The following FGF21 variants were observed in gnomAD, a reference collection of about 807,000 sequenced individuals.
FGF21 encodes the protein fibroblast growth factor 21.
Under a neutral mutation model 13.4 loss-of-function variants are expected in FGF21, and 13 were observed. The ratio of observed to expected loss-of-function variants is 0.97; its 90% confidence interval spans 0.63 to 1.54. The LOEUF (loss-of-function observed/expected upper bound fraction) is 1.54, where lower values mean the gene tolerates loss of function less well. Ranked by LOEUF, FGF21 falls within the 40% of genes most tolerant of loss-of-function variation. FGF21 has a pLI of 0.00. For missense variants in FGF21, 303 were observed against 272.4 expected, an observed-to-expected ratio of 1.11 and a Z score of -0.79; for synonymous variants, 124 against 123.6, an observed-to-expected ratio of 1.00 and a Z score of -0.02.
intron 2 of FGF21, among the ~76,000 whole-genome samples, 197 bp from the exon 3 acceptor site, chr19:48,756,729 G>T (rs190261500): frequency 1.1e-4 from 17 of 151,792 alleles, no homozygotes; most frequent in Admixed American, 1.1e-3. Context: ...AAGGAGGAAG[G>T]GCTGGGGTCC....
rs752200625 is a variant in FGF21, at chr19:48,756,990, G to T, written c.300G>T (p.Arg100Ser). 6.2e-7 allele frequency: 1 copy of T among 1,614,072 alleles called. No homozygotes were observed. Among genetic ancestry groups the T allele is most frequent in the South Asian group, 1.1e-5 (1 of 91,084 alleles). Residue 100 changes from arginine to serine, a missense_variant, in exon 3 of 4, where the codon AGG becomes AGT. By Grantham distance (110) the Arg-to-Ser change is moderately radical. Transcript: ENST00000593756. ...AAATCTTGGGAGTCAAGACATCCAGGTTCCTGTGCCAGCGGCCAGATGGGG... is the reference window on the plus strand; with the variant it reads ...AAATCTTGGGAGTCAAGACATCCAGTTTCCTGTGCCAGCGGCCAGATGGGG... Reference protein sequence around the residue: ...VIQILGVKTSRFLCQRPDGAL... With the variant: ...VIQILGVKTSSFLCQRPDGAL...
chr19:48,757,152 G>A (rs552812536), intron 3 of FGF21, 123 bp downstream of exon 3: 87 of 690,388 alleles, frequency 1.3e-4, no homozygotes, highest in Admixed American at 1.9e-4. Flanking sequence ...TGCTCTGCAC[G>A]CCCCCAGCTG....
chr19:48,757,897 A>G (rs1415096045), intron 3 of FGF21, 33 bp from the exon 4 acceptor site: 1 of 1,512,828 alleles, frequency 6.6e-7, no homozygotes, highest in East Asian at 2.3e-5. Flanking sequence ...AAAACAGAGG[A>G]ACCCTGTCTC....
intron 3 of FGF21, 100 bp from the exon 4 acceptor site, chr19:48,757,830 G>A: frequency 1.7e-6 from 2 of 1,180,290 alleles, no homozygotes; most frequent in Non-Finnish European, 2.4e-6. Flanking sequence ...TGGGGGCCTG[G>A]ACCCCTGGGT....
At chr19:48,757,229 C>T (rs55683970) in intron 3 of FGF21, among the ~76,000 whole-genome samples, 200 bp downstream of exon 3, 9 of 152,230 alleles carry the variant, frequency 5.9e-5, no homozygotes, top group South Asian at 4.1e-4. Context: ...CAGGCCGGGG[C>T]GCCAGTGACC....
At position 48,756,946 on chromosome 19, in the gene FGF21, T is replaced by C. The variant is rs765595043; in HGVS notation, c.256T>C (p.Leu86=). The change falls in exon 3 of 4, where the codon TTG becomes CTG. Residue 86 remains leucine (L), a synonymous_variant. Transcript: ENST00000593756. ...SPESLLQLKA[L]KPGVIQILGV... ...CTTAGGTCTCCTGCAGCTGAAAGCC[T>C]TGAAGCCGGGAGTTATTCAAATCTT... is the stretch of plus-strand genomic sequence containing the variant. 9 of 1,614,066 alleles carry C rather than the reference T, an allele frequency of 5.6e-6. No homozygotes were observed. The highest frequency in any genetic ancestry group is 6.8e-6 in the Non-Finnish European group (8 of 1,179,956).
In FGF21 at chr19:48,757,843, G is replaced by C. The variant is rs1444628850; in HGVS notation, c.340-87G>C. 6.7e-6 allele frequency: 9 copies of C among 1,333,562 alleles called. No homozygotes were observed. The Admixed American group carries it at 2.0e-4, about 29-fold the overall frequency. The allele number at this position is 1,333,562 out of a possible 1,614,324, so 82.6% of individuals were successfully genotyped here. A position where few individuals can be genotyped will look rare whatever the true frequency, so the allele number is the denominator to read the frequency against. On this transcript the variant is annotated intron_variant, in intron 3 of 3. Transcript: ENST00000593756. ...GCTGGGGGCCTGGACCCCTGGGTCT[G>C]AGGGAGGCAGGGCTGGGGCCTGGAT...
Position 48,756,482 on chromosome 19 carries a change from G to A in FGF21, c.235+11G>A, listed in dbSNP as rs1311671129. On this transcript the variant is annotated intron_variant, in intron 2 of 3. Transcript: ENST00000593756. Reference sequence around the variant, plus strand: ...ACCAGAGCCCCGAAAGTGAGTGTGGGCCAGAGCCTGGGTCTGAGGGAGGAG... The same window carrying A: ...ACCAGAGCCCCGAAAGTGAGTGTGGACCAGAGCCTGGGTCTGAGGGAGGAG... 1.9e-6 allele frequency: 3 copies of A among 1,608,216 alleles called. No individual in the cohort carries two copies. Among genetic ancestry groups the A allele is most frequent in the African/African-American group, 2.7e-5 (2 of 74,794 alleles).
chr19:48,757,069 T>TC (rs1186882936), intron 3 of FGF21, 40 bp downstream of exon 3: 1 of 1,489,068 alleles, frequency 6.7e-7, no homozygotes, highest in Admixed American at 1.7e-5. Flanking sequence ...ACCATGCTCC[T>TC]CCTATATGTC....
In FGF21 at chr19:48,758,011, G is replaced by T; in HGVS notation, c.421G>T (p.Gly141Cys). The T allele has an allele frequency of 1.9e-6, 3 of 1,612,822 alleles. No homozygotes were observed. Among genetic ancestry groups the T allele is most frequent in the Non-Finnish European group, 2.5e-6 (3 of 1,179,434 alleles). The change falls in exon 4 of 4, where the codon GGC becomes TGC. Residue 141 changes from glycine (G) to cysteine (C), a missense_variant. Transcript: ENST00000593756. ...CAATGTTTACCAGTCCGAAGCCCAC[G>T]GCCTCCCGCTGCACCTGCCAGGGAA... ...GYNVYQSEAH[G>C]LPLHLPGNKS...
Position 48,756,213 on chromosome 19 carries a change from A to G in FGF21, c.-24A>G. On this transcript the variant is annotated 5_prime_UTR_variant, in exon 2 of 4. Coordinates refer to ENST00000593756, the MANE Select transcript of FGF21 (RefSeq NM_019113.4). ...GCTTCTCCGAGCTCACACCCCGGAG[A>G]TCACCTGAGGACCCGAGCCATTGAT... 6.3e-7 allele frequency: 1 copy of G among 1,598,728 alleles called. No individual in the cohort carries two copies. The highest frequency in any genetic ancestry group is 1.1e-5 in the South Asian group (1 of 90,400).
chr19:48,756,558 TG>T, intron 2 of FGF21, 87 bp downstream of exon 2: 1 of 1,174,884 alleles, frequency 8.5e-7, no homozygotes, highest in Non-Finnish European at 1.1e-6. Flanking sequence ...CTGGGGGCCT[TG>T]GCCCCTGGGT....
rs147466868 is a variant in FGF21, at chr19:48,757,966, C to G, written c.376C>G (p.Leu126Val). ...FDPEACSFRELLLEDGYNVYQ... is the reference protein window; with the variant it reads ...FDPEACSFREVLLEDGYNVYQ... ...CCCTGAGGCCTGCAGCTTCCGGGAG[C>G]TGCTTCTTGAGGACGGATACAATGT... The change falls in exon 4 of 4, where the codon CTG becomes GTG. Residue 126 changes from leucine (L) to valine (V), a missense_variant. Leu to Val is a conservative substitution (Grantham distance 32). Coordinates refer to ENST00000593756, the MANE Select transcript of FGF21 (RefSeq NM_019113.4). 1 of 1,592,696 alleles carries G rather than the reference C, an allele frequency of 6.3e-7. No homozygotes were observed. The highest frequency in any genetic ancestry group is 8.6e-7 in the Non-Finnish European group (1 of 1,169,196).
intron 3 of FGF21, among the ~76,000 whole-genome samples, chr19:48,757,569 G>A (rs1286501140): frequency 1.3e-5 from 2 of 151,838 alleles, no homozygotes; most frequent in East Asian, 1.9e-4. Context: ...AGGGGCTGGG[G>A]GCCTGGACTC....
chr19:48,758,219 G>A lies in FGF21; in HGVS notation c.629G>A (p.Ter210=). 1 of 1,602,430 alleles carries A rather than the reference G, an allele frequency of 6.2e-7. No homozygotes were observed. Among genetic ancestry groups the A allele is most frequent in the Non-Finnish European group, 8.5e-7 (1 of 1,176,504 alleles). Residue 210 remains the stop codon, a stop_retained_variant, in exon 4 of 4, where the codon TGA becomes TAA. Coordinates refer to ENST00000593756, the MANE Select transcript of FGF21 (RefSeq NM_019113.4). ...SQGRSPSYAS[*] ...GGCCGAAGCCCCAGCTACGCTTCCT[G>A]AAGCCAGAGGCTGTTTACTATGACA...
Position 48,758,189 on chromosome 19 carries a change from C to A in FGF21, c.599C>A (p.Ser200Tyr). 2 of 1,611,538 alleles carry A rather than the reference C, an allele frequency of 1.2e-6. No individual in the cohort carries two copies. The highest frequency in any genetic ancestry group is 1.7e-6 in the Non-Finnish European group (2 of 1,179,300). Residue 200 changes from serine (S) to tyrosine (Y), a missense_variant, in exon 4 of 4, where the codon TCC becomes TAC. By Grantham distance (144) the Ser-to-Tyr change is moderately radical. Coordinates refer to ENST00000593756, the MANE Select transcript of FGF21 (RefSeq NM_019113.4). Reference protein sequence around the residue: ...SSDPLSMVGPSQGRSPSYAS With the variant: ...SSDPLSMVGPYQGRSPSYAS ...GACCCTCTGAGCATGGTGGGACCTT[C>A]CCAGGGCCGAAGCCCCAGCTACGCT...
Position 48,755,536 on chromosome 19 carries a change from G to A in FGF21, c.-595G>A, listed in dbSNP as rs746728834. On this transcript the variant is annotated 5_prime_UTR_variant, in exon 1 of 4. Coordinates refer to ENST00000593756, the MANE Select transcript of FGF21 (RefSeq NM_019113.4). ...CATCTGAGCAGGGACAGATGAGGTT[G>A]AGGTTGGCCCACGGCCAGGTGAGAG... The A allele has an allele frequency of 2.0e-4, 31 of 152,304 alleles. No homozygotes were observed. Among genetic ancestry groups the A allele is most frequent in the Non-Finnish European group, 4.3e-4 (29 of 68,104 alleles). The allele number at this position is 152,304 out of a possible 1,614,324, so 9.4% of individuals were successfully genotyped here. A position where few individuals can be genotyped will look rare whatever the true frequency, so the allele number is the denominator to read the frequency against.
At chr19:48,756,889 G>C in intron 2 of FGF21, 37 bp from the exon 3 acceptor site, 1 of 1,520,464 alleles carries the variant, frequency 6.6e-7, no homozygotes, top group Non-Finnish European at 9.1e-7. Context: ...CCGGGTGGGA[G>C]AGGTCCTCGA....
Position 48,756,294 on chromosome 19 carries a change from G to T in FGF21, c.58G>T (p.Gly20Cys), listed in dbSNP as rs1219499744. The change falls in exon 2 of 4, where the codon GGT becomes TGT. Residue 20 changes from glycine (G) to cysteine (C), a missense_variant. Gly to Cys is a radical substitution (Grantham distance 159, BLOSUM62 -3). Coordinates refer to ENST00000593756, the MANE Select transcript of FGF21 (RefSeq NM_019113.4). Reference sequence around the variant, plus strand: ...AGGACTGTGGGTTTCTGTGCTGGCTGGTCTTCTGCTGGGAGCCTGCCAGGC... The same window carrying T: ...AGGACTGTGGGTTTCTGTGCTGGCTTGTCTTCTGCTGGGAGCCTGCCAGGC... ...HSGLWVSVLA[G>C]LLLGACQAHP... 6.2e-7 allele frequency: 1 copy of T among 1,613,970 alleles called. No individual in the cohort carries two copies. Among genetic ancestry groups the T allele is most frequent in the Non-Finnish European group, 8.5e-7 (1 of 1,180,026 alleles).
Sources: gnomAD v4.1 joint callset for allele counts (sites outside exome capture counted in the v4.1 genomes callset) on GRCh38, gnomAD v4.1.1 for gene constraint, MANE v1.5 for transcripts, NCBI Gene and HGNC (gene_info 2026-07-23, HGNC 2026-07-21) for gene names.